The following C10orf143 variants were observed in gnomAD, a reference collection of about 807,000 sequenced individuals.
C10orf143 encodes the protein uncharacterized protein C10orf143.
intron 3 of C10orf143, among the ~76,000 whole-genome samples, chr10:130,047,067 G>T (rs2765478): frequency 0.56 from 84,797 of 152,184 alleles, 23,963 homozygotes; most frequent in East Asian, 0.72. Flanking sequence ...ATCCACAGTG[G>T]TCAGCTGGCT....
intron 1 of C10orf143, among the ~76,000 whole-genome samples, chr10:130,102,808 A>G (rs1861578589): frequency 6.6e-6 from 1 of 152,110 alleles, no homozygotes; most frequent in Admixed American, 6.5e-5. Context: ...ATCACCTTTT[A>G]TATCCATGGT....
At chr10:130,062,869 C>T (rs1435577565), downstream of C10orf143, among the ~76,000 whole-genome samples, 2 of 152,140 alleles carry the variant, frequency 1.3e-5, no homozygotes, top group Non-Finnish European at 2.9e-5. Flanking sequence ...CTTTGCTTTT[C>T]CAGAACCGAA....
At chr10:130,048,707 A>G (rs569201084) in intron 3 of C10orf143, among the ~76,000 whole-genome samples, 1 of 152,078 alleles carries the variant, frequency 6.6e-6, no homozygotes. Flanking sequence ...AGCTTGAGAG[A>G]CATCTTCTTT....
At chr10:130,099,127 T>G (rs1861507791) in intron 1 of C10orf143, among the ~76,000 whole-genome samples, 1 of 150,926 alleles carries the variant, frequency 6.6e-6, no homozygotes, top group Non-Finnish European at 1.5e-5. Flanking sequence ...AGTGTAGGCA[T>G]AACTGGCAGG....
chr10:130,053,605 G>GT (rs1860762151), intron 3 of C10orf143, among the ~76,000 whole-genome samples: 1 of 152,192 alleles, frequency 6.6e-6, no homozygotes, highest in South Asian at 2.1e-4. Context: ...GCTGTTGGGC[G>GT]TGAGACTCAA....
At chr10:130,107,777 G>A in intron 1 of C10orf143, 1 of 1,243,208 alleles carries the variant, frequency 8.0e-7, no homozygotes, top group Non-Finnish European at 1.2e-6. Context: ...ATCAAGCTGT[G>A]AAAGGTTAAC....
At chr10:130,062,132 C>T (rs1046274485), downstream of C10orf143, among the ~76,000 whole-genome samples, 2 of 152,142 alleles carry the variant, frequency 1.3e-5, no homozygotes, top group African/African-American at 4.8e-5. Flanking sequence ...ATGGCCTGTA[C>T]TAAAATGGCT....
At chr10:130,087,893 G>A (rs1221832550) in intron 1 of C10orf143, among the ~76,000 whole-genome samples, 1 of 152,212 alleles carries the variant, frequency 6.6e-6, no homozygotes, top group Non-Finnish European at 1.5e-5. Context: ...CTGGGCTCAA[G>A]AGGAGGGTGG....
chr10:130,076,940 C>CCTG, intron 3 of C10orf143, among the ~76,000 whole-genome samples: 1 of 152,116 alleles, frequency 6.6e-6, no homozygotes, highest in Non-Finnish European at 1.5e-5. Context: ...AGCAGCCCGA[C>CCTG]CCTGGGCAGG....
intron 3 of C10orf143, among the ~76,000 whole-genome samples, chr10:130,044,679 C>T (rs1055454503): frequency 1.3e-5 from 2 of 152,230 alleles, no homozygotes; most frequent in Non-Finnish European, 2.9e-5. Flanking sequence ...GGAAGGGGTG[C>T]GTGCAAGTTG....
chr10:130,095,105 A>G (rs1333504681), intron 1 of C10orf143, among the ~76,000 whole-genome samples: 1 of 152,142 alleles, frequency 6.6e-6, no homozygotes, highest in African/African-American at 2.4e-5. Flanking sequence ...GGGCCAAATC[A>G]TGAGTGAACT....
intron 3 of C10orf143, among the ~76,000 whole-genome samples, chr10:130,046,305 C>T (rs1860672143): frequency 6.6e-6 from 1 of 152,014 alleles, no homozygotes; most frequent in African/African-American, 2.4e-5. Context: ...CTCTCGGGCT[C>T]CCTGCAGGTG....
At chr10:130,108,044 G>A (rs759738231) in intron 1 of C10orf143, 134 of 1,480,114 alleles carry the variant, frequency 9.1e-5, no homozygotes, top group Non-Finnish European at 1.2e-4. Context: ...CACCAAAGAT[G>A]ATCTTGGTAA....
chr10:130,073,153 C>T (rs1007396993), intron 3 of C10orf143, among the ~76,000 whole-genome samples: 5 of 152,076 alleles, frequency 3.3e-5, no homozygotes, highest in South Asian at 4.1e-4. Flanking sequence ...TCTTATCCTC[C>T]GTGGGGGTTG....
At chr10:130,077,866 C>T (rs1861143677) in intron 3 of C10orf143, among the ~76,000 whole-genome samples, 1 of 152,218 alleles carries the variant, frequency 6.6e-6, no homozygotes, top group East Asian at 1.9e-4. Context: ...TTCAAATTCA[C>T]ATTTCAATCT....
chr10:130,049,238 C>T (rs552416573), intron 3 of C10orf143, among the ~76,000 whole-genome samples: 1 of 152,212 alleles, frequency 6.6e-6, no homozygotes, highest in Admixed American at 6.5e-5. Flanking sequence ...ACAGGGAAAT[C>T]ATCCAGTGGC....
At chr10:130,095,818 A>G (rs1861453420) in intron 1 of C10orf143, among the ~76,000 whole-genome samples, 1 of 152,224 alleles carries the variant, frequency 6.6e-6, no homozygotes, top group African/African-American at 2.4e-5. Context: ...ACTTAAACAT[A>G]GGACCTAAAA....
intron 1 of C10orf143, among the ~76,000 whole-genome samples, chr10:130,099,065 G>C (rs1299452093): frequency 6.7e-5 from 10 of 148,430 alleles, no homozygotes; most frequent in African/African-American, 2.0e-4. Context: ...TCCAGCTTGG[G>C]CAAAAGAGTG....
downstream of C10orf143, among the ~76,000 whole-genome samples, chr10:130,060,822 C>CAA (rs11312813): frequency 5.4e-4 from 29 of 53,340 alleles, no homozygotes; most frequent in East Asian, 1.0e-3. Flanking sequence ...GACTCCGTCT[C>CAA]AAAAAAAAAA....
Sources: allele counts gnomAD v4.1 joint callset (sites outside exome capture counted in the v4.1 genomes callset), GRCh38; gene constraint gnomAD v4.1.1; transcripts MANE v1.5; gene names NCBI Gene and HGNC (gene_info 2026-07-23, HGNC 2026-07-21).